Variants in TTLL5 observed in about 807,000 individuals in gnomAD.
The protein encoded by TTLL5 is tubulin tyrosine ligase like 5, also known as tubulin polyglutamylase TTLL5.
TTLL5 carries 132 observed loss-of-function variants against 168.4 expected under a neutral mutation model. The observed-to-expected ratio is 0.78, with a 90% CI of 0.68 to 0.91. TTLL5 has a LOEUF of 0.91. Ranked by LOEUF, TTLL5 falls within the 40% of genes least tolerant of loss-of-function variation. The pLI, the probability that TTLL5 is intolerant of heterozygous loss-of-function variation, is 0.00. For synonymous variants in TTLL5, 546 were observed against 558.6 expected (o/e 0.98, Z 0.32); for missense variants, 1,545 against 1,581.5 (o/e 0.98, Z 0.39).
At position 75,719,715 on chromosome 14, in the gene TTLL5, G is replaced by T; in HGVS notation, c.843-20G>T. 6.3e-7 allele frequency: 1 copy of T among 1,590,976 alleles called. No homozygotes were observed. Among genetic ancestry groups the T allele is most frequent in the East Asian group, 2.3e-5 (1 of 43,888 alleles). ...CAAGCCTAGTTACATATGTGACTTT[G>T]ATTTATTAATTTGTTTTAGTTGTGA... On this transcript the variant is annotated intron_variant, in intron 10 of 31. Transcript: ENST00000298832.
chr14:75,699,197 C>G lies in TTLL5; in HGVS notation c.512C>G (p.Ser171Trp), dbSNP rs755712371. The G allele has an allele frequency of 3.1e-6, 5 of 1,613,488 alleles. No individual in the cohort carries two copies. Among genetic ancestry groups the G allele is most frequent in the Middle Eastern group, 1.6e-4 (1 of 6,078 alleles). ...AEYAEFCNSY[S>W]KDRGPWIVKP... ...CCAATATTTTGAGCAGATTCATATT[C>G]GAAGGACCGGGGACCTTGGATAGTA... Residue 171 changes from serine (S) to tryptophan (W), a missense_variant, in exon 7 of 32, where the codon TCG becomes TGG. Transcript: ENST00000298832.
chr14:75,719,640 C>T (rs1221928031), intron 10 of TTLL5, 95 bp from the exon 11 acceptor site: 5 of 1,096,364 alleles, frequency 4.6e-6, no homozygotes, highest in South Asian at 2.3e-5. Context: ...AAAAAAAAAA[C>T]TTTTTAAAAA....
chr14:75,765,314 G>A (rs1160762337), intron 19 of TTLL5, among the ~76,000 whole-genome samples: 1 of 151,994 alleles, frequency 6.6e-6, no homozygotes, highest in Non-Finnish European at 1.5e-5. Context: ...AAAAAGATAT[G>A]GTCTCTGTCC....
Position 75,735,226 on chromosome 14 carries a change from A to C in TTLL5, c.1218A>C (p.Ala406=). The C allele has an allele frequency of 6.2e-7, 1 of 1,614,210 alleles. No homozygotes were observed. Among genetic ancestry groups the C allele is most frequent in the Non-Finnish European group, 8.5e-7 (1 of 1,179,998 alleles). ...GFVCQDPAQR[A]STRPIYPTFE... ...TGTGCCAAGATCCTGCCCAGCGGGC[A>C]TCAACTCGGCCAATTTATCCCACCT... The change falls in exon 15 of 32, where the codon GCA becomes GCC. Residue 406 remains alanine (A), a synonymous_variant. Transcript: ENST00000298832.
intron 6 of TTLL5, among the ~76,000 whole-genome samples, chr14:75,693,767 A>G (rs1594881519): frequency 6.6e-6 from 1 of 152,356 alleles, no homozygotes; most frequent in East Asian, 1.9e-4. Context: ...ATTGGGCTCT[A>G]TGGCCATCTC....
intron 23 of TTLL5, among the ~76,000 whole-genome samples, chr14:75,778,294 A>T (rs911194190): frequency 6.6e-6 from 1 of 152,212 alleles, no homozygotes; most frequent in African/African-American, 2.4e-5. Context: ...GTTTGGTTTG[A>T]GTACATGGAT....
At chr14:75,839,772 G>A (rs1030650996) in intron 28 of TTLL5, among the ~76,000 whole-genome samples, 5 of 152,086 alleles carry the variant, frequency 3.3e-5, no homozygotes, top group African/African-American at 1.2e-4. Context: ...CATCCTAACG[G>A]GTGTGATCTC....
intron 9 of TTLL5, chr14:75,709,134 C>T (rs544686787): frequency 8.1e-6 from 6 of 739,726 alleles, no homozygotes; most frequent in African/African-American, 3.4e-5. Flanking sequence ...TGAGTGGTCA[C>T]GACAAGCTAA....
chr14:75,782,382 C>T (rs1188531099), intron 24 of TTLL5, 105 bp from the exon 25 acceptor site: 45 of 860,388 alleles, frequency 5.2e-5, no homozygotes, highest in East Asian at 3.0e-4. Flanking sequence ...TGTTTCCCAG[C>T]ATTGATTAGC....
In TTLL5 at chr14:75,709,577, A is replaced by T. The variant is rs370665548; in HGVS notation, c.740+1870A>T. ...TATTAGATAAAGGGCTGGACCAGGC[A>T]TCTGAACATGAGCTGACTACTAGCT... On this transcript the variant is annotated intron_variant, in intron 9 of 31. Coordinates refer to ENST00000298832, the MANE Select transcript of TTLL5 (RefSeq NM_015072.5). 1.4e-4 allele frequency: 30 copies of T among 215,986 alleles called. No homozygotes were observed. In the East Asian group the frequency reaches 3.1e-3, roughly 22 times the overall value. The allele number at this position is 215,986 out of a possible 1,614,324, so 13.4% of individuals were successfully genotyped here. A position where few individuals can be genotyped will look rare whatever the true frequency, so the allele number is the denominator to read the frequency against.
intron 30 of TTLL5, among the ~76,000 whole-genome samples, 166 bp from the exon 31 acceptor site, chr14:75,901,976 A>G (rs11846188): frequency 0.014 from 2,200 of 152,314 alleles, 65 homozygotes; most frequent in African/African-American, 0.048. Flanking sequence ...GAGGTTTGTC[A>G]TAGAGTCTTC....
At chr14:75,731,099 G>A (rs1888505524) in intron 12 of TTLL5, among the ~76,000 whole-genome samples, 1 of 152,056 alleles carries the variant, frequency 6.6e-6, no homozygotes, top group South Asian at 2.1e-4. Context: ...TCTTTTTAGA[G>A]TCTATTTTTT....
At chr14:75,770,768 A>T (rs1891258087) in intron 20 of TTLL5, among the ~76,000 whole-genome samples, 1 of 152,074 alleles carries the variant, frequency 6.6e-6, no homozygotes. Flanking sequence ...AGACTTGAGG[A>T]TTTCTTTCGC....
At chr14:75,714,727 C>T (rs537772891) in intron 9 of TTLL5, among the ~76,000 whole-genome samples, 1 of 152,304 alleles carries the variant, frequency 6.6e-6, no homozygotes, top group South Asian at 2.1e-4. Context: ...GTTTCAGGCT[C>T]ATCTTGTTCT....
intron 5 of TTLL5, among the ~76,000 whole-genome samples, chr14:75,685,341 A>ACTCCAGC (rs1207237157): frequency 6.8e-6 from 1 of 147,064 alleles, no homozygotes; most frequent in Non-Finnish European, 1.5e-5. Context: ...GTGCCACTGC[A>ACTCCAGC]CTCCAGCCTG....
chr14:75,835,286 T>A (rs2139821950), intron 28 of TTLL5: 2 of 152,320 alleles, frequency 1.3e-5, no homozygotes, highest in Middle Eastern at 6.8e-3. Context: ...CCTGGTGGAA[T>A]CAATATTAAA....
At position 75,886,659 on chromosome 14, in the gene TTLL5, T is replaced by C. The variant is rs1227938541; in HGVS notation, c.3740+3757T>C. 1.9e-6 allele frequency: 3 copies of C among 1,592,074 alleles called. No individual in the cohort carries two copies. In the East Asian group the frequency reaches 6.7e-5, roughly 36 times the overall value. Reference sequence around the variant, plus strand: ...ATTTTCCTGGTGCCAATAATCTTTCTTGATTTTCTTCTCCAATGTTTGCAA... The same window carrying C: ...ATTTTCCTGGTGCCAATAATCTTTCCTGATTTTCTTCTCCAATGTTTGCAA... On this transcript the variant is annotated intron_variant, in intron 30 of 31. Transcript: ENST00000298832.
rs531516318 is a variant in TTLL5, at chr14:75,813,951, T to C, written c.3172-6056T>C. On this transcript the variant is annotated intron_variant, in intron 27 of 31. Coordinates refer to ENST00000298832, the MANE Select transcript of TTLL5 (RefSeq NM_015072.5). ...GATTTAATAGCACAGACACTAGTTA[T>C]TAGCCCAGAGAAGCCAACTGGCCCA... 3.3e-5 allele frequency among the ~76,000 whole-genome samples: 5 copies of C among 152,286 alleles called. No individual in the cohort carries two copies. In the East Asian group the frequency reaches 9.6e-4, roughly 29 times the overall value.
intron 28 of TTLL5, among the ~76,000 whole-genome samples, chr14:75,832,402 A>G (rs1201417493): frequency 3.3e-5 from 5 of 152,066 alleles, no homozygotes; most frequent in Non-Finnish European, 7.4e-5. Context: ...CTCGGAGTTT[A>G]GTGTATGTTC....
Sources: gnomAD v4.1 joint callset for allele counts (sites outside exome capture counted in the v4.1 genomes callset) on GRCh38, gnomAD v4.1.1 for gene constraint, MANE v1.5 for transcripts, NCBI Gene and HGNC (gene_info 2026-07-23, HGNC 2026-07-21) for gene names.